The following CSMD1 variants were observed in gnomAD, a reference collection of about 807,000 sequenced individuals.
CSMD1 encodes CUB and sushi domain-containing protein 1.
CSMD1 carries 213 observed loss-of-function variants against 417.5 expected under a neutral mutation model. That is an observed-to-expected ratio of 0.51 (90% CI 0.46 to 0.57). The LOEUF is 0.57. Among genes scored for constraint, CSMD1 ranks in the 20% least tolerant of loss-of-function variants. The pLI is 0.00. For synonymous variants in CSMD1, 2,862 were observed against 1,736.8 expected (o/e 1.65, Z -16.11); for missense variants, 6,923 against 4,529.7 (o/e 1.53, Z -15.17).
intron 3 of CSMD1, among the ~76,000 whole-genome samples, chr8:4,277,892 C>G (rs559988848): frequency 4.6e-5 from 7 of 152,046 alleles, no homozygotes; most frequent in Non-Finnish European, 1.0e-4. Flanking sequence ...GGACTACAGG[C>G]GCCCACCACC....
chr8:3,001,980 T>C (rs918501983), intron 52 of CSMD1, among the ~76,000 whole-genome samples: 19 of 152,202 alleles, frequency 1.2e-4, no homozygotes, highest in African/African-American at 4.3e-4. Flanking sequence ...AACAAACTTA[T>C]TATCAGGAAG....
At chr8:4,872,584 C>G (rs999819965) in intron 1 of CSMD1, among the ~76,000 whole-genome samples, 5 of 152,092 alleles carry the variant, frequency 3.3e-5, no homozygotes, top group African/African-American at 4.8e-5. Flanking sequence ...AATTAAAACA[C>G]TTTCCTTTAT....
intron 59 of CSMD1, among the ~76,000 whole-genome samples, chr8:2,965,419 T>C (rs147091435): frequency 1.5e-3 from 224 of 152,198 alleles, no homozygotes; most frequent in African/African-American, 5.2e-3. Context: ...TACAATTAGA[T>C]TCACCATGCC....
At chr8:3,717,683 G>C (rs1028590789) in intron 6 of CSMD1, among the ~76,000 whole-genome samples, 1 of 152,126 alleles carries the variant, frequency 6.6e-6, no homozygotes, top group Non-Finnish European at 1.5e-5. Context: ...TATATAAGTT[G>C]ATAGGTGAAG....
At chr8:4,509,699 C>T (rs1017171658) in intron 2 of CSMD1, among the ~76,000 whole-genome samples, 1 of 151,066 alleles carries the variant, frequency 6.6e-6, no homozygotes, top group African/African-American at 2.4e-5. Flanking sequence ...ATAATAGACA[C>T]TTTTGACACT....
At chr8:3,933,440 G>C (rs990083783) in intron 5 of CSMD1, among the ~76,000 whole-genome samples, 11 of 152,194 alleles carry the variant, frequency 7.2e-5, no homozygotes, top group South Asian at 2.1e-4. Context: ...CATAGACTAA[G>C]CATTTCCCGC....
chr8:4,476,242 A>T (rs977477387), intron 2 of CSMD1, among the ~76,000 whole-genome samples: 1 of 152,198 alleles, frequency 6.6e-6, no homozygotes, highest in Non-Finnish European at 1.5e-5. Flanking sequence ...AAGATATGCT[A>T]GAAGATATTA....
Position 3,285,354 on chromosome 8 carries a change from T to C in CSMD1, c.3951-1008A>G, listed in dbSNP as rs73501916. Among the ~76,000 whole-genome samples, 939 of 151,974 alleles carry C rather than the reference T, an allele frequency of 6.2e-3. 7 individuals carry two copies. The highest frequency in any genetic ancestry group is 0.021 in the African/African-American group (856 of 41,448). ...AAAAGTATAGCAGATAGTAGATCTT[T>C]ATTTTCCTACATTTTGCCCTATTTT... On this transcript the variant is annotated intron_variant, in intron 25 of 69. Transcript: ENST00000635120.
chr8:4,222,356 TTC>T (rs1801083007), intron 3 of CSMD1, among the ~76,000 whole-genome samples: 3 of 50 alleles, frequency 0.06, no homozygotes, highest in Admixed American at 0.17. Context: ...CTCAGTCTTA[TTC>T]TGTAAACAGA....
chr8:4,275,662 A>G (rs1796443989), intron 3 of CSMD1, among the ~76,000 whole-genome samples: 1 of 152,204 alleles, frequency 6.6e-6, no homozygotes, highest in East Asian at 1.9e-4. Flanking sequence ...AATAATGCAA[A>G]AATTGTATAC....
At chr8:3,593,523 C>G (rs919802166) in intron 8 of CSMD1, among the ~76,000 whole-genome samples, 1 of 152,000 alleles carries the variant, frequency 6.6e-6, no homozygotes, top group Non-Finnish European at 1.5e-5. Flanking sequence ...CTCCACAGCC[C>G]GGGCCCTTAA....
At chr8:4,271,963 G>C (rs913443480) in intron 3 of CSMD1, among the ~76,000 whole-genome samples, 4 of 152,084 alleles carry the variant, frequency 2.6e-5, no homozygotes, top group Admixed American at 1.3e-4. Context: ...TATGGGCAAA[G>C]TCAGCCCTCC....
chr8:4,458,513 GT>G (rs1799621154), intron 2 of CSMD1, among the ~76,000 whole-genome samples: 1 of 152,000 alleles, frequency 6.6e-6, no homozygotes, highest in South Asian at 2.1e-4. Context: ...TGAAAATTCT[GT>G]ATAGTGTGAA....
At chr8:4,360,535 G>C (rs1388703112) in intron 3 of CSMD1, among the ~76,000 whole-genome samples, 2 of 152,138 alleles carry the variant, frequency 1.3e-5, no homozygotes, top group African/African-American at 2.4e-5. Flanking sequence ...TGTCGCCCAG[G>C]CTGGAGGGCA....
intron 3 of CSMD1, among the ~76,000 whole-genome samples, chr8:4,241,081 C>T (rs982025885): frequency 2.6e-5 from 4 of 152,152 alleles, no homozygotes; most frequent in Non-Finnish European, 4.4e-5. Flanking sequence ...CGCTGAATTA[C>T]TTATCCTCTA....
chr8:4,851,715 T>A (rs1212371132), intron 1 of CSMD1, among the ~76,000 whole-genome samples: 1 of 152,200 alleles, frequency 6.6e-6, no homozygotes, highest in Non-Finnish European at 1.5e-5. Flanking sequence ...ATCACCCATA[T>A]GACTAACAAG....
At chr8:3,620,631 T>G (rs897710943) in intron 7 of CSMD1, among the ~76,000 whole-genome samples, 1 of 151,908 alleles carries the variant, frequency 6.6e-6, no homozygotes, top group Admixed American at 6.6e-5. Flanking sequence ...GTTATCTCCA[T>G]GGAAACCATA....
At chr8:4,055,521 AAATTT>A (rs759326038) in intron 3 of CSMD1, among the ~76,000 whole-genome samples, 20 of 141,200 alleles carry the variant, frequency 1.4e-4, no homozygotes, top group Admixed American at 2.7e-4. Context: ...AAATCAGCTC[AAATTT>A]AATAATGTCA....
intron 5 of CSMD1, among the ~76,000 whole-genome samples, chr8:3,802,550 C>T (rs906871117): frequency 2.0e-5 from 3 of 152,072 alleles, no homozygotes; most frequent in Non-Finnish European, 4.4e-5. Flanking sequence ...AATAATTTTG[C>T]CACCTACTTA....
Sources: gnomAD v4.1 joint callset for allele counts (sites outside exome capture counted in the v4.1 genomes callset) on GRCh38, gnomAD v4.1.1 for gene constraint, MANE v1.5 for transcripts, NCBI Gene and HGNC (gene_info 2026-07-23, HGNC 2026-07-21) for gene names.